FCHO2: variants seen among roughly 807,000 people sequenced by gnomAD.
FCHO2 encodes the protein FCH and mu domain containing endocytic adaptor 2, also known as F-BAR domain only protein 2.
Under a neutral mutation model 114.1 loss-of-function variants are expected in FCHO2, and 43 were observed. That is an observed-to-expected ratio of 0.38 (90% CI 0.30 to 0.49). FCHO2 has a LOEUF of 0.49. FCHO2 is among the 20% of genes least tolerant of loss of function. FCHO2 has a pLI of 0.97. For missense variants in FCHO2, 807 were observed against 950.4 expected (o/e 0.85, Z 1.98); for synonymous variants, 293 against 315.2 (o/e 0.93, Z 0.75).
At chr5:73,057,808 G>A (rs952810873) in intron 16 of FCHO2, among the ~76,000 whole-genome samples, 23 of 152,062 alleles carry the variant, frequency 1.5e-4, no homozygotes, top group African/African-American at 5.6e-4. Flanking sequence ...TATTTGTAAA[G>A]CTGAAATTAT....
intron 1 of FCHO2, among the ~76,000 whole-genome samples, chr5:72,961,292 T>C (rs781213984): frequency 2.0e-5 from 3 of 152,170 alleles, no homozygotes; most frequent in Non-Finnish European, 4.4e-5. Flanking sequence ...TATGTATCCA[T>C]ATGAAATTTT....
chr5:73,083,355 G>A (rs1743187041), intron 24 of FCHO2, among the ~76,000 whole-genome samples: 1 of 152,140 alleles, frequency 6.6e-6, no homozygotes, highest in South Asian at 2.1e-4. Context: ...TCTAGATTGA[G>A]TATGTGTTCT....
At chr5:73,024,533 G>A (rs1250001815) in intron 8 of FCHO2, among the ~76,000 whole-genome samples, 3 of 151,848 alleles carry the variant, frequency 2.0e-5, no homozygotes, top group Admixed American at 6.6e-5. Context: ...CTGCCTCCTC[G>A]GTTCAAGCTA....
intron 8 of FCHO2, among the ~76,000 whole-genome samples, chr5:73,029,104 A>G (rs532198215): frequency 1.3e-5 from 2 of 152,332 alleles, no homozygotes; most frequent in East Asian, 3.9e-4. Flanking sequence ...AGACTCACAA[A>G]TGTCAAAATT....
At chr5:73,014,132 G>A (rs1261904577) in intron 6 of FCHO2, among the ~76,000 whole-genome samples, 1 of 152,064 alleles carries the variant, frequency 6.6e-6, no homozygotes, top group Non-Finnish European at 1.5e-5. Context: ...GGATCTATTT[G>A]TTTTGAAGTT....
rs535662860 is a variant in FCHO2, at chr5:72,983,001, C to T, written c.126-6426C>T. ...CGATCTCTGCTCACCGCAAGCTCCG[C>T]TTCCCGGGTTCATGCCATTTTCCTG... On this transcript the variant is annotated intron_variant, in intron 2 of 25. Coordinates refer to ENST00000430046, the MANE Select transcript of FCHO2 (RefSeq NM_138782.3). Among the ~76,000 whole-genome samples the T allele has an allele frequency of 7.6e-4, 116 of 151,942 alleles. 1 individual carries two copies. Among genetic ancestry groups the T allele is most frequent in the Non-Finnish European group, 8.8e-4 (60 of 67,934 alleles).
chr5:72,956,073 G>T lies in FCHO2; in HGVS notation c.-24G>T. 6.5e-7 allele frequency: 1 copy of T among 1,539,512 alleles called. No individual in the cohort carries two copies. The highest frequency in any genetic ancestry group is 2.0e-5 in the Admixed American group (1 of 49,944). ...CACAGCGGCGGGCGGGCGCGGACGC[G>T]GAACCCGGCGCGGCGGCGGCACGAT... On this transcript the variant is annotated 5_prime_UTR_variant, in exon 1 of 26. Coordinates refer to ENST00000430046, the MANE Select transcript of FCHO2 (RefSeq NM_138782.3).
chr5:72,957,766 T>C (rs147829893), intron 1 of FCHO2, among the ~76,000 whole-genome samples: 1 of 152,348 alleles, frequency 6.6e-6, no homozygotes, highest in East Asian at 1.9e-4. Context: ...CATACTATTC[T>C]GAAGTGGTTG....
intron 1 of FCHO2, among the ~76,000 whole-genome samples, chr5:72,966,059 A>G (rs1037290619): frequency 2.0e-5 from 3 of 152,264 alleles, no homozygotes; most frequent in Admixed American, 6.5e-5. Flanking sequence ...TCTTCTGCCT[A>G]TTTTTCAAAT....
chr5:72,963,694 G>A lies in FCHO2; in HGVS notation c.34-4804G>A, dbSNP rs188704453. Among the ~76,000 whole-genome samples the A allele has an allele frequency of 7.3e-4, 111 of 152,044 alleles. No individual in the cohort carries two copies. The South Asian group carries it at 9.2e-3, about 13-fold the overall frequency. Reference sequence around the variant, plus strand: ...CTTTGGAGTGGCTAGAACTACAGGCGCATGCCACCACACCCAGCTAATTTT... The same window carrying A: ...CTTTGGAGTGGCTAGAACTACAGGCACATGCCACCACACCCAGCTAATTTT... On this transcript the variant is annotated intron_variant, in intron 1 of 25. Coordinates refer to ENST00000430046, the MANE Select transcript of FCHO2 (RefSeq NM_138782.3).
chr5:73,022,096 T>C (rs149899481), intron 8 of FCHO2, among the ~76,000 whole-genome samples: 7 of 152,188 alleles, frequency 4.6e-5, no homozygotes, highest in African/African-American at 1.7e-4. Context: ...TCACATGCTT[T>C]GGAAAAATTA....
intron 9 of FCHO2, among the ~76,000 whole-genome samples, chr5:73,036,560 GA>G (rs1345364331): frequency 6.6e-6 from 1 of 151,730 alleles, no homozygotes; most frequent in Non-Finnish European, 1.5e-5. Context: ...TTTTTTTGTA[GA>G]GACAGGGTTT....
At chr5:72,970,579 TC>T (rs1478537115) in intron 2 of FCHO2, among the ~76,000 whole-genome samples, 1 of 152,012 alleles carries the variant, frequency 6.6e-6, no homozygotes, top group Non-Finnish European at 1.5e-5. Flanking sequence ...TTATATTTTA[TC>T]CCTCTGAATT....
intron 1 of FCHO2, among the ~76,000 whole-genome samples, chr5:72,961,416 A>C (rs1173115622): frequency 6.6e-6 from 1 of 152,116 alleles, no homozygotes; most frequent in Non-Finnish European, 1.5e-5. Flanking sequence ...TGTTTTTAGG[A>C]TATGATCCCA....
At chr5:73,029,513 A>G (rs1756116415) in intron 8 of FCHO2, among the ~76,000 whole-genome samples, 1 of 152,210 alleles carries the variant, frequency 6.6e-6, no homozygotes, top group Non-Finnish European at 1.5e-5. Context: ...TTTTTCTCAT[A>G]GTTTTCAAGC....
chr5:73,083,120 G>A lies in FCHO2; in HGVS notation c.2245+295G>A, dbSNP rs900007265. Among the ~76,000 whole-genome samples, 6 of 151,812 alleles carry A rather than the reference G, an allele frequency of 4.0e-5. No individual in the cohort carries two copies. The East Asian group carries it at 1.2e-3, about 29-fold the overall frequency. On this transcript the variant is annotated intron_variant, in intron 24 of 25. Coordinates refer to ENST00000430046, the MANE Select transcript of FCHO2 (RefSeq NM_138782.3). ...AGGATGGTCTCGATCTCCTGACCTC[G>A]TGATCTGCCCACCTCGGCCTCCCAA...
chr5:73,075,745 A>G (rs1742882219), intron 20 of FCHO2, among the ~76,000 whole-genome samples: 1 of 152,234 alleles, frequency 6.6e-6, no homozygotes, highest in African/African-American at 2.4e-5. Context: ...GTATAAGGGT[A>G]TTAGCAGAGC....
At chr5:72,974,259 G>T (rs1473527238) in intron 2 of FCHO2, among the ~76,000 whole-genome samples, 1 of 134,006 alleles carries the variant, frequency 7.5e-6, no homozygotes, top group Non-Finnish European at 1.7e-5. Context: ...GGGTATCCTT[G>T]TTGACTTTCT....
At chr5:72,961,858 T>C (rs1751895141) in intron 1 of FCHO2, among the ~76,000 whole-genome samples, 1 of 152,208 alleles carries the variant, frequency 6.6e-6, no homozygotes, top group Non-Finnish European at 1.5e-5. Context: ...CCCAAAGTGC[T>C]GGGATTACAG....
Sources: gnomAD v4.1 joint callset for allele counts (sites outside exome capture counted in the v4.1 genomes callset) on GRCh38, gnomAD v4.1.1 for gene constraint, MANE v1.5 for transcripts, NCBI Gene and HGNC (gene_info 2026-07-23, HGNC 2026-07-21) for gene names.